Variants in SATB1 observed in about 807,000 individuals in gnomAD.
The protein encoded by SATB1 is DNA-binding protein SATB1.
SATB1 carries 11 observed loss-of-function variants against 86.9 expected under a neutral mutation model. The ratio of observed to expected loss-of-function variants is 0.13; its 90% confidence interval spans 0.08 to 0.21. The LOEUF is 0.21. Among genes scored for constraint, SATB1 ranks in the 10% least tolerant of loss-of-function variants. The pLI is 1.00. For synonymous variants in SATB1, 357 were observed against 357.2 expected (o/e 1.00, Z 0.01); for missense variants, 551 against 937.6 (o/e 0.59, Z 5.39).
At chr3:18,435,112 A>T (rs1302419487) in intron 2 of SATB1, 7 of 152,208 alleles carry the variant, frequency 4.6e-5, no homozygotes, top group Non-Finnish European at 1.0e-4. Flanking sequence ...AATACAGCTG[A>T]CCTATGTTTA....
chr3:18,421,116 T>G, intron 1 of SATB1, 125 bp from the exon 2 acceptor site: 39 of 624,742 alleles, frequency 6.2e-5, no homozygotes, highest in Non-Finnish European at 9.0e-5. Flanking sequence ...TAAAATGGCC[T>G]ATCTAGATAT....
At chr3:18,380,397 T>A (rs577619094) in intron 8 of SATB1, among the ~76,000 whole-genome samples, 10 of 152,176 alleles carry the variant, frequency 6.6e-5, no homozygotes, top group Non-Finnish European at 1.3e-4. Flanking sequence ...AATCATTTGT[T>A]TCAACCCTGT....
Position 18,424,326 on chromosome 3 carries a change from C to CCA in SATB1, c.-725_-724insTG, listed in dbSNP as rs1553626592. Reference sequence around the variant, plus strand: ...CGCCTCCCTTCCAATCACCCCCACCCCCCTCGCCAACAATCGCGACTAATA... The same window carrying CCA: ...CGCCTCCCTTCCAATCACCCCCACCCCACCCTCGCCAACAATCGCGACTAATA... On this transcript the variant is annotated 5_prime_UTR_variant, in exon 1 of 11. Coordinates refer to ENST00000338745, the MANE Select transcript of SATB1 (RefSeq NM_002971.6). 1 of 150,976 alleles carries CCA rather than the reference C, an allele frequency of 6.6e-6. No individual in the cohort carries two copies. The highest frequency in any genetic ancestry group is 2.1e-4 in the South Asian group (1 of 4,790). The allele number at this position is 150,976 out of a possible 1,614,324, so 9.4% of individuals were successfully genotyped here.
At chr3:18,439,737 C>T (rs539290794), upstream of SATB1, among the ~76,000 whole-genome samples, 39 of 152,162 alleles carry the variant, frequency 2.6e-4, no homozygotes, top group African/African-American at 9.2e-4. Flanking sequence ...TAAGTGTAAC[C>T]GCTTTTTAGA....
At chr3:18,356,397 T>C (rs1484460983) in intron 9 of SATB1, among the ~76,000 whole-genome samples, 1 of 140,554 alleles carries the variant, frequency 7.1e-6, no homozygotes, top group African/African-American at 2.7e-5. Context: ...TGGTTAGGGA[T>C]CTATTAAAGA....
chr3:18,400,375 T>C (rs1697195722), intron 5 of SATB1, among the ~76,000 whole-genome samples: 2 of 152,180 alleles, frequency 1.3e-5, no homozygotes, highest in Admixed American at 6.6e-5. Context: ...TAAACATATA[T>C]TCAAGTGAGG....
chr3:18,351,797 A>G (rs113626911), intron 10 of SATB1, 195 bp downstream of exon 10: 2 of 592,004 alleles, frequency 3.4e-6, no homozygotes, highest in African/African-American at 3.7e-5. Context: ...ATGAGGAAAG[A>G]GGAACACGAT....
At chr3:18,440,873 A>G (rs1258491227), upstream of SATB1, among the ~76,000 whole-genome samples, 1 of 152,212 alleles carries the variant, frequency 6.6e-6, no homozygotes, top group African/African-American at 2.4e-5. Context: ...AAAAATGAAT[A>G]CTTAATATAA....
At chr3:18,393,071 A>T (rs1039749453) in intron 7 of SATB1, among the ~76,000 whole-genome samples, 2 of 152,074 alleles carry the variant, frequency 1.3e-5, no homozygotes, top group African/African-American at 4.8e-5. Flanking sequence ...CGCCAAAAAT[A>T]AGTCACAGCT....
intron 9 of SATB1, among the ~76,000 whole-genome samples, chr3:18,376,343 T>C (rs1438114664): frequency 2.0e-5 from 3 of 152,138 alleles, no homozygotes; most frequent in Non-Finnish European, 4.4e-5. Context: ...TAAGTTATAA[T>C]ATTAATTTTT....
At chr3:18,437,279 A>T (rs1289990398) in intron 1 of SATB1, among the ~76,000 whole-genome samples, 1 of 152,150 alleles carries the variant, frequency 6.6e-6, no homozygotes, top group East Asian at 1.9e-4. Flanking sequence ...AAAACCACTG[A>T]GGAGCAATAA....
At chr3:18,418,568 C>T (rs1486397678) in intron 2 of SATB1, among the ~76,000 whole-genome samples, 2 of 152,242 alleles carry the variant, frequency 1.3e-5, no homozygotes, top group East Asian at 1.9e-4. Context: ...AAGAACCCGT[C>T]GGGGATCAGA....
rs1696339025 is a variant in SATB1 at position 18,386,339 on chromosome 3, T to C, written c.1419+60A>G. On this transcript the variant is annotated intron_variant, in intron 8 of 10. Coordinates refer to ENST00000338745, the MANE Select transcript of SATB1 (RefSeq NM_002971.6). This position sits in a 1 kb window ranked among gnomAD's most constrained non-coding sequence, Gnocchi z 4.5. The stretch of plus-strand genomic sequence containing the variant: ...TCTATCTAATTTCTTATTGAGATTC[T>C]TCCTCAAGCATTAAAAAAAAGCTAA... 4 of 1,266,530 alleles carry C rather than the reference T, an allele frequency of 3.2e-6. No individual in the cohort carries two copies. The highest frequency in any genetic ancestry group is 3.9e-5 in the Admixed American group (2 of 50,752). The allele number at this position is 1,266,530 out of a possible 1,614,324, so 78.5% of individuals were successfully genotyped here.
chr3:18,442,585 G>T (rs572308476), upstream of SATB1, among the ~76,000 whole-genome samples: 1 of 152,300 alleles, frequency 6.6e-6, no homozygotes, highest in South Asian at 2.1e-4. Flanking sequence ...ATTGTCTACA[G>T]TGTATTTAAT....
chr3:18,355,025 A>G (rs1003076855), intron 9 of SATB1, among the ~76,000 whole-genome samples: 33 of 152,286 alleles, frequency 2.2e-4, no homozygotes, highest in African/African-American at 7.5e-4. Flanking sequence ...TTGATGAATT[A>G]TAAGTCGAAG....
chr3:18,354,188 A>G (rs185230882), intron 9 of SATB1, among the ~76,000 whole-genome samples: 53 of 152,118 alleles, frequency 3.5e-4, no homozygotes, highest in Admixed American at 7.8e-4. Context: ...ATGTTTACTT[A>G]GCTTTTACTG....
chr3:18,356,989 T>A (rs1484265854), intron 9 of SATB1, among the ~76,000 whole-genome samples: 1 of 151,834 alleles, frequency 6.6e-6, no homozygotes, highest in Admixed American at 6.6e-5. Flanking sequence ...GTATATATTA[T>A]CATTATGTAC....
chr3:18,440,603 G>A (rs1174636611), upstream of SATB1, among the ~76,000 whole-genome samples: 1 of 152,166 alleles, frequency 6.6e-6, no homozygotes, highest in Non-Finnish European at 1.5e-5. Context: ...CTGCTAGCTC[G>A]AAGTAGGAAG....
Position 18,392,920 on chromosome 3 carries a change from T to C in SATB1, c.1206+1542A>G, listed in dbSNP as rs1696759966. Among the ~76,000 whole-genome samples, 3 of 149,694 alleles carry C rather than the reference T, an allele frequency of 2.0e-5. No individual in the cohort carries two copies. The Admixed American group carries it at 2.0e-4, about 10-fold the overall frequency. ...AGAACTAGGTAAAACCATACAATTT[T>C]AACCTGAGACATAGCCTTGTGCAAC... is the stretch of plus-strand genomic sequence containing the variant. On this transcript the variant is annotated intron_variant, in intron 7 of 10. Coordinates refer to ENST00000338745, the MANE Select transcript of SATB1 (RefSeq NM_002971.6).
Sources: allele counts gnomAD v4.1 joint callset (sites outside exome capture counted in the v4.1 genomes callset), GRCh38; gene constraint gnomAD v4.1.1; non-coding constraint Gnocchi (gnomAD v3.1); transcripts MANE v1.5; gene names NCBI Gene and HGNC (gene_info 2026-07-23, HGNC 2026-07-21).